GTF3C3: variants seen among roughly 807,000 people sequenced by gnomAD.
GTF3C3 encodes the protein general transcription factor 3C polypeptide 3.
In GTF3C3, 75 loss-of-function variants were observed where a neutral mutation model predicts 105.2. That is an observed-to-expected ratio of 0.71 (90% CI 0.59 to 0.86). The LOEUF is 0.86. Ranked by LOEUF, GTF3C3 falls within the 40% of genes least tolerant of loss-of-function variation. The pLI is 0.00. For missense variants in GTF3C3, 856 were observed against 1,076.5 expected (o/e 0.80, Z 2.87); for synonymous variants, 335 against 370.4 (o/e 0.90, Z 1.10).
chr2:196,765,880 G>A (rs895023013), intron 17 of GTF3C3, among the ~76,000 whole-genome samples: 1 of 151,440 alleles, frequency 6.6e-6, no homozygotes, highest in Non-Finnish European at 1.5e-5. Flanking sequence ...CGTGGTGGCA[G>A]GCACCTGTAG....
At position 196,799,681 on chromosome 2, in the gene GTF3C3, G is replaced by A. The variant is rs776046918; in HGVS notation, c.-70C>T. The stretch of plus-strand genomic sequence containing the variant: ...ACCGGAAGAGCAGCGCCTTCCAGAA[G>A]CTACCTCGCCGGGGCCAGCAAGAGC... On this transcript the variant is annotated 5_prime_UTR_variant, in exon 1 of 18. Coordinates refer to ENST00000263956, the MANE Select transcript of GTF3C3 (RefSeq NM_012086.5). 63 of 1,132,424 alleles carry A rather than the reference G, an allele frequency of 5.6e-5. No individual in the cohort carries two copies. Among genetic ancestry groups the A allele is most frequent in the Non-Finnish European group, 7.2e-5 (54 of 747,716 alleles). 70.1% of individuals were successfully genotyped at this position (1,132,424 alleles called of 1,614,324 possible). A position where few individuals can be genotyped will look rare whatever the true frequency, so the allele number is the denominator to read the frequency against.
At chr2:196,787,122 A>C (rs969249665) in intron 6 of GTF3C3, among the ~76,000 whole-genome samples, 3 of 151,912 alleles carry the variant, frequency 2.0e-5, no homozygotes, top group Non-Finnish European at 2.9e-5. Flanking sequence ...TATTCAATAC[A>C]TCAGAAAATC....
chr2:196,781,357 A>AAAAAAAAAATAT, intron 8 of GTF3C3, among the ~76,000 whole-genome samples: 3 of 18,818 alleles, frequency 1.6e-4, no homozygotes, highest in African/African-American at 3.1e-4. Flanking sequence ...AAAAAAAAAA[A>AAAAAAAAAATAT]ATATATATAT....
At chr2:196,797,042 G>A (rs1338891128) in intron 2 of GTF3C3, among the ~76,000 whole-genome samples, 1 of 152,130 alleles carries the variant, frequency 6.6e-6, no homozygotes, top group African/African-American at 2.4e-5. Flanking sequence ...TGAGGGAAAA[G>A]AACCAGACTG....
At chr2:196,796,821 A>T (rs1280955652) in intron 2 of GTF3C3, among the ~76,000 whole-genome samples, 1 of 152,170 alleles carries the variant, frequency 6.6e-6, no homozygotes, top group Non-Finnish European at 1.5e-5. Flanking sequence ...TTCCAACTCC[A>T]TCCATGTCCC....
chr2:196,768,522 T>A (rs922231409), intron 16 of GTF3C3, among the ~76,000 whole-genome samples: 37 of 152,076 alleles, frequency 2.4e-4, no homozygotes, highest in Middle Eastern at 3.4e-3. Context: ...ATAAAAAAAA[T>A]TTTTTTAGGT....
chr2:196,779,155 T>C, intron 9 of GTF3C3, 88 bp from the exon 10 acceptor site: 11 of 994,232 alleles, frequency 1.1e-5, no homozygotes, highest in South Asian at 1.6e-5. Flanking sequence ...TGAGATGAAG[T>C]CTCTCCCTGT....
Position 196,785,449 on chromosome 2 carries a change from C to A in GTF3C3, c.1033G>T (p.Ala345Ser). The change falls in exon 7 of 18, where the codon GCT becomes TCT. Residue 345 changes from alanine to serine, a missense_variant. Coordinates refer to ENST00000263956, the MANE Select transcript of GTF3C3 (RefSeq NM_012086.5). ...LYISNKQYDK[A>S]LEIITDFSGI... ...CACATAAGCATTCCTACCTCCAAAGCTTTGTCATACTGTTTGTTAGAAATA... is the reference window on the plus strand; with the variant it reads ...CACATAAGCATTCCTACCTCCAAAGATTTGTCATACTGTTTGTTAGAAATA... 1.9e-6 allele frequency: 3 copies of A among 1,598,452 alleles called. No homozygotes were observed. The highest frequency in any genetic ancestry group is 1.7e-5 in the Admixed American group (1 of 58,992).
At position 196,799,511 on chromosome 2, in the gene GTF3C3, T is replaced by G. The variant is rs571310750; in HGVS notation, c.101A>C (p.Lys34Thr). Residue 34 changes from lysine to threonine, a missense_variant and splice_region_variant, in exon 1 of 18, where the codon AAA (lysine) becomes ACA (threonine). By Grantham distance (78) the Lys-to-Thr change is moderately conservative (BLOSUM62 -1). Transcript: ENST00000263956. ...CACCGTGGCCTAGCATCGCCTCACTTTCTTCTCGCGGGTTTTTCTCTCTTC... is the reference window on the plus strand; with the variant it reads ...CACCGTGGCCTAGCATCGCCTCACTGTCTTCTCGCGGGTTTTTCTCTCTTC... ...RREERKTREK[K>T]SLQEKGKLSA... The G allele has an allele frequency of 6.2e-7, 1 of 1,613,064 alleles. No homozygotes were observed. Among genetic ancestry groups the G allele is most frequent in the Non-Finnish European group, 8.5e-7 (1 of 1,179,066 alleles).
intron 8 of GTF3C3, among the ~76,000 whole-genome samples, chr2:196,783,645 C>G (rs1699405531): frequency 6.6e-6 from 1 of 152,104 alleles, no homozygotes; most frequent in South Asian, 2.1e-4. Flanking sequence ...AAGCAGTGCT[C>G]CTACACCCTG....
intron 12 of GTF3C3, among the ~76,000 whole-genome samples, chr2:196,775,511 T>C (rs1364254286): frequency 1.3e-5 from 2 of 152,178 alleles, no homozygotes; most frequent in Non-Finnish European, 2.9e-5. Flanking sequence ...ACCAAATTAC[T>C]ATATTAAAAA....
At chr2:196,799,001 G>A (rs367777104) in intron 1 of GTF3C3, among the ~76,000 whole-genome samples, 2 of 152,106 alleles carry the variant, frequency 1.3e-5, no homozygotes, top group African/African-American at 4.8e-5. Flanking sequence ...GAAAAAAAAG[G>A]TATGGGTGAA....
chr2:196,798,161 A>C (rs1261792079), intron 1 of GTF3C3, among the ~76,000 whole-genome samples: 1 of 152,142 alleles, frequency 6.6e-6, no homozygotes, highest in Non-Finnish European at 1.5e-5. Flanking sequence ...TTACCCTTCA[A>C]TCTGTCATTT....
At chr2:196,788,415 A>G (rs1425481702) in intron 6 of GTF3C3, among the ~76,000 whole-genome samples, 2 of 152,238 alleles carry the variant, frequency 1.3e-5, no homozygotes, top group Non-Finnish European at 2.9e-5. Flanking sequence ...ATACCAGAGA[A>G]GTAAATGCAG....
intron 17 of GTF3C3, among the ~76,000 whole-genome samples, chr2:196,765,575 T>G (rs1334807701): frequency 2.7e-5 from 4 of 149,976 alleles, no homozygotes; most frequent in Middle Eastern, 7.1e-3. Context: ...ATACACCTAT[T>G]TTTATATATA....
rs937750681 is a variant in GTF3C3 at position 196,778,538 on chromosome 2, C to T, written c.1390+358G>A. 4 of 217,496 alleles carry T rather than the reference C, an allele frequency of 1.8e-5. No homozygotes were observed. The Admixed American group carries it at 2.1e-4, about 12-fold the overall frequency. 13.5% of individuals were successfully genotyped at this position (217,496 alleles called of 1,614,324 possible). ...CATTGAAAAATATATTAATTTTTCC[C>T]AATATAACATATTAAATATAAATCT... On this transcript the variant is annotated intron_variant, in intron 10 of 17. Coordinates refer to ENST00000263956, the MANE Select transcript of GTF3C3 (RefSeq NM_012086.5).
At chr2:196,789,157 A>C in intron 6 of GTF3C3, 47 bp downstream of exon 6, 2 of 1,467,188 alleles carry the variant, frequency 1.4e-6, no homozygotes, top group South Asian at 2.6e-5. Context: ...TTGATTTGCA[A>C]AACAAGATTA....
chr2:196,788,210 T>G (rs1341442789), intron 6 of GTF3C3, among the ~76,000 whole-genome samples: 1 of 152,186 alleles, frequency 6.6e-6, no homozygotes, highest in African/African-American at 2.4e-5. Context: ...AACCCACCCC[T>G]GGGAGGGTAA....
intron 5 of GTF3C3, among the ~76,000 whole-genome samples, 159 bp from the exon 6 acceptor site, chr2:196,789,528 G>C (rs1354166480): frequency 6.6e-6 from 1 of 152,156 alleles, no homozygotes; most frequent in African/African-American, 2.4e-5. Context: ...CTCTTGACTA[G>C]GTTTGATGTA....
Sources: allele counts gnomAD v4.1 joint callset (sites outside exome capture counted in the v4.1 genomes callset), GRCh38; gene constraint gnomAD v4.1.1; transcripts MANE v1.5; gene names NCBI Gene and HGNC (gene_info 2026-07-23, HGNC 2026-07-21).